The following ZNF750 variants were observed in gnomAD, a reference collection of about 807,000 sequenced individuals.
ZNF750 encodes zinc finger protein 750.
In ZNF750, 10 loss-of-function variants were observed where a neutral mutation model predicts 31.6. The observed-to-expected ratio is 0.32, with a 90% CI of 0.19 to 0.54. ZNF750 has a LOEUF of 0.54. ZNF750 is among the 20% of genes least tolerant of loss of function. ZNF750 has a pLI of 0.95. For missense variants in ZNF750, 914 were observed against 934.9 expected, an observed-to-expected ratio of 0.98 and a Z score of 0.29; for synonymous variants, 400 against 404.9, an observed-to-expected ratio of 0.99 and a Z score of 0.15.
chr17:82,834,261 T>G (rs1321837115), intron 1 of ZNF750, among the ~76,000 whole-genome samples: 1 of 152,120 alleles, frequency 6.6e-6, no homozygotes, highest in Non-Finnish European at 1.5e-5. Context: ...AACAAAGGCT[T>G]TGAGAGTCTG....
chr17:82,836,202 A>G (rs533215157), intron 1 of ZNF750, among the ~76,000 whole-genome samples: 115 of 152,362 alleles, frequency 7.5e-4, no homozygotes, highest in Admixed American at 1.2e-3. Flanking sequence ...GAAGTAGAGA[A>G]GCCGGGTGCC....
chr17:82,837,334 TTGTACTC>T (rs1373487239), intron 1 of ZNF750, among the ~76,000 whole-genome samples: 43 of 152,316 alleles, frequency 2.8e-4, no homozygotes, highest in African/African-American at 9.9e-4. Flanking sequence ...CAGCCCGACT[TTGTACTC>T]TGGCAGCTGC....
chr17:82,831,070 G>C lies in ZNF750; in HGVS notation c.1385C>G (p.Thr462Arg). The change falls in exon 2 of 3, where the codon ACA becomes AGA. Residue 462 changes from threonine (T) to arginine (R), a missense_variant. This residue lies in a region of ZNF750 where 880 missense variants were observed against 868.9 expected (regional missense o/e 1.01). Transcript: ENST00000269394. This position sits in a 1 kb window ranked among gnomAD's most constrained non-coding sequence, Gnocchi z 4.6. ...AGCAGCCTGGGCAGGTAGGCATTCT[G>C]TGCTTTTCTTAACAGGCCTGAAGGC... ...LTAFRPVKKSTECLPAQAAET... is the reference protein window; with the variant it reads ...LTAFRPVKKSRECLPAQAAET... The C allele has an allele frequency of 6.2e-7, 1 of 1,614,222 alleles. No homozygotes were observed. Among genetic ancestry groups the C allele is most frequent in the Non-Finnish European group, 8.5e-7 (1 of 1,180,048 alleles).
chr17:82,831,899 T>C lies in ZNF750; in HGVS notation c.556A>G (p.Asn186Asp). Reference sequence around the variant, plus strand: ...AAAGACACGGCCTTGGCAGTGGGGTTGTGTAAAGCCAGTGTCTCGGGCGCC... The same window carrying C: ...AAAGACACGGCCTTGGCAGTGGGGTCGTGTAAAGCCAGTGTCTCGGGCGCC... ...AEAPETLALH[N>D]PTAKAVSFHT... Residue 186 changes from asparagine (N) to aspartate (D), a missense_variant, in exon 2 of 3, where the codon AAC becomes GAC. By Grantham distance (23) the Asn-to-Asp change is conservative. Transcript: ENST00000269394. This position sits in a 1 kb window ranked among gnomAD's most constrained non-coding sequence, Gnocchi z 4.6. The C allele has an allele frequency of 6.2e-7, 1 of 1,614,126 alleles. No individual in the cohort carries two copies. Among genetic ancestry groups the C allele is most frequent in the Non-Finnish European group, 8.5e-7 (1 of 1,180,016 alleles).
At chr17:82,838,134 A>T (rs561646151) in intron 1 of ZNF750, among the ~76,000 whole-genome samples, 80 of 152,354 alleles carry the variant, frequency 5.3e-4, no homozygotes, top group Admixed American at 9.8e-4. Context: ...AGCTGCCCAC[A>T]CAGACAGTGC....
rs761924395 is a variant in ZNF750, at chr17:82,831,355, G to A, written c.1100C>T (p.Pro367Leu). The A allele has an allele frequency of 3.2e-5, 52 of 1,614,156 alleles. No individual in the cohort carries two copies. In the South Asian group the frequency reaches 5.1e-4, roughly 16 times the overall value. Residue 367 changes from proline to leucine, a missense_variant, in exon 2 of 3, where the codon CCT becomes CTT. Around this residue, in one of 2 missense-constraint regions of ZNF750, gnomAD observed 880 missense variants for 868.9 expected, o/e 1.01. Transcript: ENST00000269394. The surrounding 1 kb of genome is among the most constrained non-coding windows in gnomAD (Gnocchi z 4.6). Reference protein sequence around the residue: ...YPASSPSRLNPSDPNRKHVEF... With the variant: ...YPASSPSRLNLSDPNRKHVEF... ...GACGTGTTTTCTGTTGGGGTCCGAA[G>A]GGTTTAACCTGGAAGGACTCGAGGC...
intron 1 of ZNF750, chr17:82,838,805 G>A (rs1174570888): frequency 3.0e-6 from 3 of 985,338 alleles, no homozygotes; most frequent in African/African-American, 1.7e-5. Context: ...CTCTAGTTTC[G>A]GCAGGAGATC....
chr17:82,837,553 C>A (rs2054095233), intron 1 of ZNF750, among the ~76,000 whole-genome samples: 1 of 152,184 alleles, frequency 6.6e-6, no homozygotes, highest in African/African-American at 2.4e-5. Context: ...GTCTGTCTGT[C>A]TGTTAATAAA....
chr17:82,831,430 G>A lies in ZNF750; in HGVS notation c.1025C>T (p.Thr342Ile), dbSNP rs748373712. ...GLRLPPVTGL[T>I]RDQSSHLLEE... Reference sequence around the variant, plus strand: ...AAGCAGGTGAGAGCTCTGATCTCGGGTGAGGCCAGTGACAGGTGGGAGTCT... The same window carrying A: ...AAGCAGGTGAGAGCTCTGATCTCGGATGAGGCCAGTGACAGGTGGGAGTCT... The change falls in exon 2 of 3, where the codon ACC (threonine) becomes ATC (isoleucine). Residue 342 changes from threonine (T) to isoleucine (I), a missense_variant. Physicochemically the swap from Thr to Ile is moderately conservative, Grantham distance 89. Around this residue, in one of 2 missense-constraint regions of ZNF750, gnomAD observed 880 missense variants for 868.9 expected, o/e 1.01. Transcript: ENST00000269394. This position sits in a 1 kb window ranked among gnomAD's most constrained non-coding sequence, Gnocchi z 4.6. 1.9e-6 allele frequency: 3 copies of A among 1,614,186 alleles called. No homozygotes were observed. In the South Asian group the frequency reaches 3.3e-5, roughly 18 times the overall value.
chr17:82,837,250 G>A (rs993131354), intron 1 of ZNF750, among the ~76,000 whole-genome samples: 2 of 152,156 alleles, frequency 1.3e-5, no homozygotes, highest in Non-Finnish European at 2.9e-5. Context: ...CAAACCCGAC[G>A]GCCAGTACCT....
At position 82,835,686 on chromosome 17, in the gene ZNF750, A is replaced by G. The variant is rs751439194; in HGVS notation, c.-182-3050T>C. On this transcript the variant is annotated intron_variant, in intron 1 of 2. Coordinates refer to ENST00000269394, the MANE Select transcript of ZNF750 (RefSeq NM_024702.3). This position sits in a 1 kb window ranked among gnomAD's most constrained non-coding sequence, Gnocchi z 4.5. ...GCGATCTGCCCGCCTCAGCCTCCCA[A>G]AGTGCTGGGATTACAGGCATGAGCC... Among the ~76,000 whole-genome samples, 3 of 152,188 alleles carry G rather than the reference A, an allele frequency of 2.0e-5. No homozygotes were observed. The highest frequency in any genetic ancestry group is 7.2e-5 in the African/African-American group (3 of 41,532).
At chr17:82,839,863 T>C (rs1054287946) in intron 1 of ZNF750, 64 bp downstream of exon 1, 13 of 152,284 alleles carry the variant, frequency 8.5e-5, no homozygotes, top group African/African-American at 2.9e-4. Context: ...CTGGGTATTT[T>C]AGATACGTCT....
Position 82,831,998 on chromosome 17 carries a change from G to A in ZNF750, c.457C>T (p.Leu153=), listed in dbSNP as rs968728616. ...GCAGAAGGCCGAGCTGCGCCTTCCA[G>A]AGCAGGCTGGGCACCGAGGGCGGCT... The part of the protein sequence containing the change: ...PEAALGAQPA[L]EGAARPSAFV... Residue 153 remains leucine, a synonymous_variant, in exon 2 of 3, where the codon CTG becomes TTG. Transcript: ENST00000269394. This position sits in a 1 kb window ranked among gnomAD's most constrained non-coding sequence, Gnocchi z 4.6. 6.2e-7 allele frequency: 1 copy of A among 1,612,942 alleles called. No individual in the cohort carries two copies.
Position 82,831,914 on chromosome 17 carries a change from T to C in ZNF750, c.541A>G (p.Thr181Ala). The change falls in exon 2 of 3, where the codon ACA becomes GCA. Residue 181 changes from threonine to alanine, a missense_variant. Physicochemically the swap from Thr to Ala is moderately conservative, Grantham distance 58 (BLOSUM62 0). Transcript: ENST00000269394. The surrounding 1 kb of genome is among the most constrained non-coding windows in gnomAD (Gnocchi z 4.6). Reference sequence around the variant, plus strand: ...GCAGTGGGGTTGTGTAAAGCCAGTGTCTCGGGCGCCTCGGCGTTGTCTGGC... The same window carrying C: ...GCAGTGGGGTTGTGTAAAGCCAGTGCCTCGGGCGCCTCGGCGTTGTCTGGC... The part of the protein sequence containing the change: ...KGPDNAEAPE[T>A]LALHNPTAKA... The C allele has an allele frequency of 6.2e-7, 1 of 1,614,178 alleles. No homozygotes were observed. The highest frequency in any genetic ancestry group is 8.5e-7 in the Non-Finnish European group (1 of 1,180,030).
rs572349776 is a variant in ZNF750, at chr17:82,831,173, C to G, written c.1282G>C (p.Glu428Gln). ...TTGTTGGAGAGGTCGTACAGGCCTT[C>G]GCAGGTCTGGCTCGTCTGCATGAAG... ...TDFMQTSQTC[E>Q]GLYDLSNKAA... is the part of the protein sequence containing the mutation. The change falls in exon 2 of 3, where the codon GAA becomes CAA. Residue 428 changes from glutamate to glutamine, a missense_variant. By Grantham distance (29) the Glu-to-Gln change is conservative. Coordinates refer to ENST00000269394, the MANE Select transcript of ZNF750 (RefSeq NM_024702.3). The surrounding 1 kb of genome is among the most constrained non-coding windows in gnomAD (Gnocchi z 4.6). 1 of 1,614,104 alleles carries G rather than the reference C, an allele frequency of 6.2e-7. No individual in the cohort carries two copies. Among genetic ancestry groups the G allele is most frequent in the Non-Finnish European group, 8.5e-7 (1 of 1,180,020 alleles).
At chr17:82,838,429 GC>G (rs1394431827) in intron 1 of ZNF750, among the ~76,000 whole-genome samples, 2 of 152,138 alleles carry the variant, frequency 1.3e-5, no homozygotes, top group African/African-American at 4.8e-5. Context: ...TGCTTGTCAT[GC>G]GTCCTAACCT....
intron 1 of ZNF750, chr17:82,839,078 C>A (rs1026265100): frequency 1.3e-6 from 1 of 741,830 alleles, no homozygotes; most frequent in African/African-American, 1.9e-5. Flanking sequence ...AAACTTAACC[C>A]CTTTGGTTTG....
Position 82,832,132 on chromosome 17 carries a change from C to A in ZNF750, c.323G>T (p.Arg108Met). ...FDSKLQHSSA[R>M]EDIKENLELQ... is the part of the protein sequence containing the mutation. The stretch of plus-strand genomic sequence containing the variant: ...CTCCAGGTTTTCCTTGATGTCTTCC[C>A]TGGCAGAGCTGTGCTGAAGCTTCGA... Residue 108 changes from arginine to methionine, a missense_variant, in exon 2 of 3, where the codon AGG becomes ATG. Coordinates refer to ENST00000269394, the MANE Select transcript of ZNF750 (RefSeq NM_024702.3). This position sits in a 1 kb window ranked among gnomAD's most constrained non-coding sequence, Gnocchi z 4.9. 6.2e-7 allele frequency: 1 copy of A among 1,614,206 alleles called. No homozygotes were observed. Among genetic ancestry groups the A allele is most frequent in the Non-Finnish European group, 8.5e-7 (1 of 1,180,018 alleles).
chr17:82,832,608 G>T lies in ZNF750; in HGVS notation c.-154C>A. 1 of 707,148 alleles carries T rather than the reference G, an allele frequency of 1.4e-6. No individual in the cohort carries two copies. 43.8% of individuals were successfully genotyped at this position (707,148 alleles called of 1,614,324 possible). On this transcript the variant is annotated 5_prime_UTR_variant, in exon 2 of 3. Transcript: ENST00000269394. The surrounding 1 kb of genome is among the most constrained non-coding windows in gnomAD (Gnocchi z 4.9). ...CAGCTCTGCGTGCTGAGGGTCTGGCGAGAGCCTCCGTCATCTGGCGGCTGG... is the reference window on the plus strand; with the variant it reads ...CAGCTCTGCGTGCTGAGGGTCTGGCTAGAGCCTCCGTCATCTGGCGGCTGG...
Sources: allele counts gnomAD v4.1 joint callset (sites outside exome capture counted in the v4.1 genomes callset), GRCh38; gene constraint gnomAD v4.1.1; regional missense constraint gnomAD v4.1.1; non-coding constraint Gnocchi (gnomAD v3.1); transcripts MANE v1.5; gene names NCBI Gene and HGNC (gene_info 2026-07-23, HGNC 2026-07-21).